RINT1: variants seen among roughly 807,000 people sequenced by gnomAD.
The protein encoded by RINT1 is RAD50 interactor 1.
A neutral mutation model predicts 97.7 loss-of-function variants in RINT1; 75 were observed. The observed-to-expected ratio is 0.77, with a 90% CI of 0.64 to 0.93. The LOEUF is 0.93. RINT1 is among the 40% of genes least tolerant of loss of function. The probability of loss-of-function intolerance (pLI) is 0.00; values close to 1 mark genes in which losing one functional copy is unlikely to be tolerated. For synonymous variants in RINT1, 303 were observed against 326.3 expected, an observed-to-expected ratio of 0.93 and a Z score of 0.77; for missense variants, 892 against 925.2, an observed-to-expected ratio of 0.96 and a Z score of 0.47.
At chr7:105,542,344 A>T in intron 3 of RINT1, 64 bp from the exon 4 acceptor site, 2 of 1,355,588 alleles carry the variant, frequency 1.5e-6, no homozygotes, top group South Asian at 1.3e-5. Flanking sequence ...CAAAAAAAAA[A>T]TTATGAAAAT....
Position 105,561,386 on chromosome 7 carries a change from G to A in RINT1, c.1672-2347G>A, listed in dbSNP as rs542457314. On this transcript the variant is annotated intron_variant, in intron 11 of 14. Coordinates refer to ENST00000257700, the MANE Select transcript of RINT1 (RefSeq NM_021930.6). ...CTACTAAAAATACAAAAATTAGCCA[G>A]GTATGGTGGTGCTCGCCTGTAGTCC... Among the ~76,000 whole-genome samples the A allele has an allele frequency of 2.0e-5, 3 of 151,986 alleles. No homozygotes were observed. In the South Asian group the frequency reaches 6.2e-4, roughly 32 times the overall value.
At chr7:105,541,973 T>G (rs1790476313) in intron 3 of RINT1, 1 of 153,260 alleles carries the variant, frequency 6.5e-6, no homozygotes, top group Non-Finnish European at 1.5e-5. Flanking sequence ...TACTTCTTCC[T>G]GCTATTTGTG....
At chr7:105,552,155 C>T (rs760266877) in intron 10 of RINT1, among the ~76,000 whole-genome samples, 9 of 152,092 alleles carry the variant, frequency 5.9e-5, no homozygotes, top group Non-Finnish European at 1.3e-4. Flanking sequence ...TGGTAGAAAT[C>T]TAACACAATA....
At chr7:105,541,600 A>T (rs770707253) in intron 3 of RINT1, 1 of 146,630 alleles carries the variant, frequency 6.8e-6, no homozygotes, top group Non-Finnish European at 1.5e-5. Context: ...ACGTGGTGAA[A>T]CCCCGTCTCT....
Position 105,532,258 on chromosome 7 carries a change from C to T in RINT1, c.-58C>T, listed in dbSNP as rs1387591546. Reference sequence around the variant, plus strand: ...GTAGTGAGTGTGTCGCTGGCCTTAGCCAGACTCCACAGGCCACGCTGGCTG... The same window carrying T: ...GTAGTGAGTGTGTCGCTGGCCTTAGTCAGACTCCACAGGCCACGCTGGCTG... On this transcript the variant is annotated 5_prime_UTR_variant, in exon 1 of 15. Coordinates refer to ENST00000257700, the MANE Select transcript of RINT1 (RefSeq NM_021930.6). The T allele has an allele frequency of 1.3e-6, 2 of 1,537,302 alleles. No individual in the cohort carries two copies. Among genetic ancestry groups the T allele is most frequent in the African/African-American group, 1.4e-5 (1 of 73,280 alleles).
chr7:105,548,110 CT>C (rs1489514524), intron 6 of RINT1, among the ~76,000 whole-genome samples: 1 of 152,070 alleles, frequency 6.6e-6, no homozygotes, highest in Non-Finnish European at 1.5e-5. Flanking sequence ...TCACTGCAGC[CT>C]TGACCACCCA....
intron 4 of RINT1, among the ~76,000 whole-genome samples, chr7:105,543,004 C>T (rs948943974): frequency 6.6e-6 from 1 of 151,918 alleles, no homozygotes; most frequent in Non-Finnish European, 1.5e-5. Flanking sequence ...CCTGCCTCAG[C>T]CTCCCGAGTA....
In RINT1 at chr7:105,545,174, G is replaced by A. The variant is rs1454289355; in HGVS notation, c.516-1736G>A. 2.0e-5 allele frequency among the ~76,000 whole-genome samples: 3 copies of A among 151,934 alleles called. No individual in the cohort carries two copies. In the East Asian group the frequency reaches 5.8e-4, roughly 29 times the overall value. On this transcript the variant is annotated intron_variant, in intron 4 of 14. Transcript: ENST00000257700. ...CTTCCTTAAAAGCAGTACTCCTGCC[G>A]GGCATGGTGGCTCATGCCGTAGTCC...
intron 5 of RINT1, 41 bp downstream of exon 5, chr7:105,547,124 T>C (rs2133387173): frequency 6.2e-7 from 1 of 1,612,840 alleles, no homozygotes; most frequent in East Asian, 2.2e-5. Flanking sequence ...TGCTTTCCGA[T>C]GGGTATTTGG....
intron 4 of RINT1, 107 bp downstream of exon 4, chr7:105,542,756 A>T (rs1431072640): frequency 2.7e-6 from 3 of 1,131,826 alleles, no homozygotes; most frequent in Non-Finnish European, 3.5e-6. Flanking sequence ...AGATTATAAT[A>T]ATATAATTTT....
chr7:105,537,767 C>T (rs576587153), intron 3 of RINT1, among the ~76,000 whole-genome samples: 13 of 151,744 alleles, frequency 8.6e-5, no homozygotes, highest in African/African-American at 1.9e-4. Flanking sequence ...ACCCAGGAGG[C>T]GGAGTTTGCT....
chr7:105,544,857 T>G (rs1398670984), intron 4 of RINT1, among the ~76,000 whole-genome samples: 1 of 152,236 alleles, frequency 6.6e-6, no homozygotes, highest in Non-Finnish European at 1.5e-5. Context: ...TTTAATAATG[T>G]GTTATTTCCC....
chr7:105,566,146 C>T (rs889314091), intron 14 of RINT1, among the ~76,000 whole-genome samples: 12 of 150,444 alleles, frequency 8.0e-5, no homozygotes, highest in Admixed American at 2.7e-4. Context: ...GGCCTGGTGG[C>T]GGGCACCTGT....
intron 8 of RINT1, 45 bp downstream of exon 8, chr7:105,550,210 G>A: frequency 1.2e-6 from 2 of 1,603,068 alleles, no homozygotes; most frequent in African/African-American, 1.3e-5. Flanking sequence ...AACTGTATGT[G>A]TGCATGGATA....
intron 4 of RINT1, 22 bp downstream of exon 4, chr7:105,542,671 T>TTGTGC: frequency 6.2e-7 from 1 of 1,608,126 alleles, no homozygotes. Context: ...CTCTTTGTTC[T>TTGTGC]CACAATTACT....
chr7:105,555,965 A>T (rs1791161043), intron 11 of RINT1, among the ~76,000 whole-genome samples: 1 of 152,240 alleles, frequency 6.6e-6, no homozygotes, highest in Admixed American at 6.5e-5. Context: ...CTCTACAAAA[A>T]ATAAAAATAA....
At position 105,567,153 on chromosome 7, in the gene RINT1, G is replaced by T. The variant is rs749732262; in HGVS notation, c.2221G>T (p.Val741Phe). ...KEACIVLNLN[V>F]GSALLLKDVL... is the part of the protein sequence containing the mutation. ...AGCCTGTATTGTTTTGAATTTGAAC[G>T]TCGGTTCTGCACTACTGCTGAAAGA... The change falls in exon 15 of 15, where the codon GTC becomes TTC. Residue 741 changes from valine (V) to phenylalanine (F), a missense_variant. Coordinates refer to ENST00000257700, the MANE Select transcript of RINT1 (RefSeq NM_021930.6). 1.9e-6 allele frequency: 3 copies of T among 1,584,738 alleles called. No individual in the cohort carries two copies. Among genetic ancestry groups the T allele is most frequent in the Non-Finnish European group, 2.6e-6 (3 of 1,169,754 alleles).
At chr7:105,548,783 T>G in intron 7 of RINT1, 73 bp downstream of exon 7, 1 of 1,399,706 alleles carries the variant, frequency 7.1e-7, no homozygotes, top group Non-Finnish European at 9.7e-7. Flanking sequence ...TTTGCTGGTT[T>G]AAGTTAAAAT....
intron 6 of RINT1, 81 bp downstream of exon 6, chr7:105,547,414 A>G (rs965620449): frequency 3.5e-6 from 5 of 1,428,134 alleles, no homozygotes; most frequent in African/African-American, 2.8e-5. Flanking sequence ...AACTTTTTCA[A>G]AGTGGCCAAG....
Sources: allele counts gnomAD v4.1 joint callset (sites outside exome capture counted in the v4.1 genomes callset), GRCh38; gene constraint gnomAD v4.1.1; transcripts MANE v1.5; gene names NCBI Gene and HGNC (gene_info 2026-07-23, HGNC 2026-07-21).